CCDC150: variants seen among roughly 807,000 people sequenced by gnomAD.
The protein encoded by CCDC150 is coiled-coil domain containing 150, also known as coiled-coil domain-containing protein 150.
CCDC150 carries 151 observed loss-of-function variants against 156.5 expected under a neutral mutation model. The observed-to-expected ratio is 0.97, with a 90% CI of 0.85 to 1.10. CCDC150 has a LOEUF of 1.10. CCDC150 is among the 50% of genes least tolerant of loss of function. CCDC150 has a pLI of 0.00. For missense variants in CCDC150, 1,312 were observed against 1,268.1 expected (o/e 1.03, Z -0.53); for synonymous variants, 452 against 429.4 (o/e 1.05, Z -0.65).
At chr2:196,680,220 T>G (rs1346082381) in intron 13 of CCDC150, among the ~76,000 whole-genome samples, 2 of 152,178 alleles carry the variant, frequency 1.3e-5, no homozygotes, top group East Asian at 3.9e-4. Flanking sequence ...CCTCTAGAAG[T>G]CTTATAGTTT....
chr2:196,671,364 G>T (rs1694187856), intron 8 of CCDC150, among the ~76,000 whole-genome samples: 1 of 148,600 alleles, frequency 6.7e-6, no homozygotes, highest in African/African-American at 2.5e-5. Context: ...TTAGTAATAA[G>T]TATTTATGTT....
At position 196,719,167 on chromosome 2, in the gene CCDC150, C is replaced by T. The variant is rs926188089; in HGVS notation, c.1996-330C>T. 22 of 189,922 alleles carry T rather than the reference C, an allele frequency of 1.2e-4. 1 individual carries two copies. Among genetic ancestry groups the T allele is most frequent in the Non-Finnish European group, 1.7e-4 (16 of 93,890 alleles). 11.8% of individuals were successfully genotyped at this position (189,922 alleles called of 1,614,324 possible). On this transcript the variant is annotated intron_variant, in intron 18 of 27. Transcript: ENST00000389175. ...CAGATGTATTATTCTCATCTGACCC[C>T]GTCAGAAGACAGCTGAGAGGCCAGC...
Position 196,657,147 on chromosome 2 carries a change from A to G in CCDC150, c.576+11A>G. On this transcript the variant is annotated intron_variant, in intron 4 of 27. Transcript: ENST00000389175. ...GCCTCGCAGACAAAGGTTTGAGTCT[A>G]AGAGTTCTGAAGTATAAACACACTG... 6.2e-7 allele frequency: 1 copy of G among 1,612,960 alleles called. No homozygotes were observed. Among genetic ancestry groups the G allele is most frequent in the East Asian group, 2.2e-5 (1 of 44,868 alleles).
chr2:196,666,957 C>T (rs1358019526), intron 7 of CCDC150, 109 bp downstream of exon 7: 23 of 1,151,766 alleles, frequency 2.0e-5, no homozygotes, highest in Non-Finnish European at 2.7e-5. Context: ...TGGTATTTCC[C>T]ACAGTGCTGT....
rs759051580 is a variant in CCDC150, at chr2:196,646,487, G to C, written c.159G>C (p.Leu53Phe). The C allele has an allele frequency of 6.2e-7, 1 of 1,613,116 alleles. No individual in the cohort carries two copies. The highest frequency in any genetic ancestry group is 1.1e-5 in the South Asian group (1 of 90,912). Residue 53 changes from leucine to phenylalanine, a missense_variant, in exon 2 of 28, where the codon TTG (leucine) becomes TTC (phenylalanine). Physicochemically the swap from Leu to Phe is conservative, Grantham distance 22. Coordinates refer to ENST00000389175, the MANE Select transcript of CCDC150 (RefSeq NM_001080539.2). Reference sequence around the variant, plus strand: ...CACTGAGGGATGACCTAATAATGTTGGATTTTGGTGAAAAAAGGTAACAAA... The same window carrying C: ...CACTGAGGGATGACCTAATAATGTTCGATTTTGGTGAAAAAAGGTAACAAA... ...TSSLRDDLIM[L>F]DFGEKRGYLE...
At chr2:196,721,228 G>A (rs1697863689) in intron 20 of CCDC150, among the ~76,000 whole-genome samples, 1 of 149,624 alleles carries the variant, frequency 6.7e-6, no homozygotes, top group African/African-American at 2.4e-5. Flanking sequence ...TAAAAAATTA[G>A]GATAAATTAA....
chr2:196,726,202 C>CGGT, intron 22 of CCDC150, 103 bp downstream of exon 22: 1 of 1,308,892 alleles, frequency 7.6e-7, no homozygotes, highest in East Asian at 2.5e-5. Context: ...TCCTCTCATC[C>CGGT]CCCTTTGATC....
At chr2:196,712,870 A>G (rs1697230461) in intron 17 of CCDC150, 131 bp downstream of exon 17, 2 of 679,950 alleles carry the variant, frequency 2.9e-6, no homozygotes, top group African/African-American at 3.6e-5. Context: ...TTAGTGAAGA[A>G]CATACCCCAG....
At chr2:196,727,617 A>G (rs1176989965) in intron 22 of CCDC150, 2 of 152,206 alleles carry the variant, frequency 1.3e-5, no homozygotes, top group African/African-American at 4.8e-5. Context: ...CACTATATAA[A>G]TACAAATGTT....
chr2:196,700,768 T>C (rs1255839146), intron 14 of CCDC150, among the ~76,000 whole-genome samples: 1 of 152,208 alleles, frequency 6.6e-6, no homozygotes, highest in African/African-American at 2.4e-5. Context: ...AACTGTGTAA[T>C]GCTCCACAGA....
chr2:196,711,889 G>T (rs1233932158), intron 15 of CCDC150, among the ~76,000 whole-genome samples: 14 of 151,882 alleles, frequency 9.2e-5, no homozygotes, highest in Admixed American at 9.2e-4. Context: ...ATGTCCATTT[G>T]GAGGCCTATA....
At chr2:196,682,454 G>T (rs939938971) in intron 13 of CCDC150, among the ~76,000 whole-genome samples, 8 of 151,574 alleles carry the variant, frequency 5.3e-5, no homozygotes, top group Admixed American at 1.3e-4. Context: ...CTGGGTCATT[G>T]CATTTCTATA....
chr2:196,649,546 A>G (rs966994595), intron 2 of CCDC150, among the ~76,000 whole-genome samples: 1 of 152,226 alleles, frequency 6.6e-6, no homozygotes, highest in African/African-American at 2.4e-5. Context: ...GGAGAGGGCT[A>G]TACCATCTAT....
At chr2:196,648,229 T>C (rs1482134327) in intron 2 of CCDC150, among the ~76,000 whole-genome samples, 2 of 152,172 alleles carry the variant, frequency 1.3e-5, no homozygotes, top group Admixed American at 1.3e-4. Flanking sequence ...TTCTCCAAAA[T>C]GGCTATACTA....
chr2:196,718,981 G>A (rs1475474159), intron 18 of CCDC150, among the ~76,000 whole-genome samples: 1 of 152,144 alleles, frequency 6.6e-6, no homozygotes, highest in Non-Finnish European at 1.5e-5. Context: ...CTCCTTAACA[G>A]TGTGTGTATG....
At chr2:196,657,957 G>A (rs1034745312) in intron 4 of CCDC150, among the ~76,000 whole-genome samples, 15 of 152,108 alleles carry the variant, frequency 9.9e-5, no homozygotes, top group African/African-American at 3.6e-4. Context: ...ACAAGAGTGA[G>A]GATTTGTTTG....
chr2:196,698,398 G>A (rs1415926550), intron 14 of CCDC150, among the ~76,000 whole-genome samples: 3 of 152,036 alleles, frequency 2.0e-5, no homozygotes, highest in Admixed American at 6.6e-5. Flanking sequence ...AAAGATTAAT[G>A]GAATTTCTTT....
chr2:196,677,657 G>A (rs1481111534), intron 13 of CCDC150, among the ~76,000 whole-genome samples: 1 of 152,164 alleles, frequency 6.6e-6, no homozygotes, highest in Non-Finnish European at 1.5e-5. Flanking sequence ...ATGGGCCTGT[G>A]AGAGGCAAAG....
chr2:196,728,777 T>C (rs1698358682), intron 22 of CCDC150, among the ~76,000 whole-genome samples: 1 of 152,198 alleles, frequency 6.6e-6, no homozygotes, highest in African/African-American at 2.4e-5. Flanking sequence ...TCTTTCTTTA[T>C]ATGATCTTAT....
Sources: gnomAD v4.1 joint callset for allele counts (sites outside exome capture counted in the v4.1 genomes callset) on GRCh38, gnomAD v4.1.1 for gene constraint, MANE v1.5 for transcripts, NCBI Gene and HGNC (gene_info 2026-07-23, HGNC 2026-07-21) for gene names.